The following NR2C1 variants were observed in gnomAD, a reference collection of about 807,000 sequenced individuals.
NR2C1 encodes nuclear receptor subfamily 2 group C member 1, also known as TR2 nuclear hormone receptor.
Under a neutral mutation model 74.8 loss-of-function variants are expected in NR2C1, and 33 were observed. That is an observed-to-expected ratio of 0.44 (90% CI 0.33 to 0.59). The LOEUF is 0.59. Among genes scored for constraint, NR2C1 ranks in the 20% least tolerant of loss-of-function variants. The pLI is 0.02. For synonymous variants in NR2C1, 225 were observed against 240.6 expected (o/e 0.94, Z 0.60); for missense variants, 568 against 715.6 (o/e 0.79, Z 2.35).
intron 11 of NR2C1, among the ~76,000 whole-genome samples, chr12:95,029,384 A>C (rs1353583955): frequency 6.6e-6 from 1 of 152,076 alleles, no homozygotes; most frequent in Admixed American, 6.6e-5. Flanking sequence ...ATTTCATCTT[A>C]ATTCTTTTGA....
At chr12:95,033,285 T>G (rs1870392617) in intron 10 of NR2C1, among the ~76,000 whole-genome samples, 1 of 152,102 alleles carries the variant, frequency 6.6e-6, no homozygotes, top group African/African-American at 2.4e-5. Context: ...TATACATATA[T>G]GATTATACAT....
intron 9 of NR2C1, among the ~76,000 whole-genome samples, chr12:95,044,958 T>C (rs768757150): frequency 1.3e-5 from 2 of 151,822 alleles, no homozygotes; most frequent in Non-Finnish European, 2.9e-5. Context: ...TCAGCACTTT[T>C]GGGAGGTCGA....
At chr12:95,028,671 T>TGGCAG (rs1869670643) in intron 11 of NR2C1, 147 bp from the exon 12 acceptor site, 1 of 617,296 alleles carries the variant, frequency 1.6e-6, no homozygotes. Context: ...GTCGCCCAGG[T>TGGCAG]GGCAGTGCAG....
intron 4 of NR2C1, 126 bp from the exon 5 acceptor site, chr12:95,058,615 A>C: frequency 4.1e-6 from 3 of 738,204 alleles, no homozygotes; most frequent in Non-Finnish European, 6.6e-6. Flanking sequence ...TGACATGAAA[A>C]ACATTTTTAG....
intron 10 of NR2C1, among the ~76,000 whole-genome samples, chr12:95,036,913 G>A (rs565322307): frequency 6.6e-6 from 1 of 152,062 alleles, no homozygotes; most frequent in African/African-American, 2.4e-5. Context: ...CCTCATATCT[G>A]GTAATACTGA....
At chr12:95,025,932 T>G (rs956791035) in intron 12 of NR2C1, among the ~76,000 whole-genome samples, 3 of 151,324 alleles carry the variant, frequency 2.0e-5, no homozygotes, top group African/African-American at 7.3e-5. Context: ...TAAGGCTGGG[T>G]GTGGTGGCTC....
chr12:95,067,266 A>C, intron 2 of NR2C1, 65 bp downstream of exon 2: 42 of 1,144,826 alleles, frequency 3.7e-5, no homozygotes, highest in Non-Finnish European at 5.2e-5. Flanking sequence ...AGAACCTGGT[A>C]TATGCATTTA....
At chr12:95,040,991 A>C (rs1423916386) in intron 9 of NR2C1, among the ~76,000 whole-genome samples, 1 of 152,238 alleles carries the variant, frequency 6.6e-6, no homozygotes, top group Non-Finnish European at 1.5e-5. Flanking sequence ...GGGGTTAACA[A>C]ATTCAAATGC....
intron 10 of NR2C1, among the ~76,000 whole-genome samples, chr12:95,036,472 A>G (rs1356449284): frequency 3.3e-5 from 5 of 151,842 alleles, no homozygotes; most frequent in African/African-American, 9.7e-5. Context: ...AAATAGGTAC[A>G]GGTATTTTTC....
intron 1 of NR2C1, among the ~76,000 whole-genome samples, chr12:95,069,004 A>G (rs1314764877): frequency 6.6e-6 from 1 of 152,096 alleles, no homozygotes; most frequent in Non-Finnish European, 1.5e-5. Context: ...TCTTAAAAGG[A>G]CACATAAGAA....
In NR2C1 at chr12:95,035,002, T is replaced by C. The variant is rs180924662; in HGVS notation, c.1254-3514A>G. On this transcript the variant is annotated intron_variant, in intron 10 of 13. Coordinates refer to ENST00000333003, the MANE Select transcript of NR2C1 (RefSeq NM_003297.4). ...ACACAATGCCACAAAATGCACATTG[T>C]AGCACTGGATATAATAACAAAGAAA... Among the ~76,000 whole-genome samples, 43 of 152,282 alleles carry C rather than the reference T, an allele frequency of 2.8e-4. No individual in the cohort carries two copies. The East Asian group carries it at 7.7e-3, about 27-fold the overall frequency.
At position 95,059,978 on chromosome 12, in the gene NR2C1, T is replaced by C. The variant is rs769767757; in HGVS notation, c.292A>G (p.Thr98Ala). Residue 98 changes from threonine (T) to alanine (A), a missense_variant, in exon 4 of 14, where the codon ACA becomes GCA. This residue lies in a region of NR2C1 where 128 missense variants were observed against 118.9 expected (regional missense o/e 1.08). Transcript: ENST00000333003. ...DLSAQHLQLL[T>A]DNSPDQGPNK... ...GGTCCTTGGTCTGGAGAATTATCTG[T>C]TAGGAGCTAAAAAAAAAAAAAAAAA... The C allele has an allele frequency of 2.5e-5, 38 of 1,532,482 alleles. 1 individual carries two copies. In the South Asian group the frequency reaches 4.8e-4, roughly 19 times the overall value. 94.9% of individuals were successfully genotyped at this position (1,532,482 alleles called of 1,614,324 possible).
intron 7 of NR2C1, among the ~76,000 whole-genome samples, chr12:95,055,111 TTTTC>T (rs1873651547): frequency 6.6e-6 from 1 of 152,128 alleles, no homozygotes; most frequent in African/African-American, 2.4e-5. Flanking sequence ...GCAGAAGAAT[TTTTC>T]TTTCTAACTA....
chr12:95,029,419 T>G (rs1285135402), intron 11 of NR2C1, among the ~76,000 whole-genome samples: 1 of 152,108 alleles, frequency 6.6e-6, no homozygotes, highest in Non-Finnish European at 1.5e-5. Context: ...TTTTAAAAAA[T>G]GAATTATTTT....
chr12:95,035,142 G>C (rs1409516511), intron 10 of NR2C1, among the ~76,000 whole-genome samples: 1 of 152,170 alleles, frequency 6.6e-6, no homozygotes. Flanking sequence ...AACATAGGAA[G>C]AAGTCTATGA....
intron 2 of NR2C1, among the ~76,000 whole-genome samples, chr12:95,064,348 AG>A (rs1385568437): frequency 7.1e-6 from 1 of 140,468 alleles, no homozygotes; most frequent in East Asian, 2.1e-4. Context: ...AAAAAAAAAA[AG>A]TTCAGAAGTA....
intron 10 of NR2C1, among the ~76,000 whole-genome samples, chr12:95,038,799 G>A (rs533948903): frequency 1.6e-4 from 25 of 152,240 alleles, no homozygotes; most frequent in South Asian, 1.5e-3. Flanking sequence ...CCACCCCTCA[G>A]TAGTGTGTAC....
At chr12:95,036,423 T>A (rs1448135411) in intron 10 of NR2C1, among the ~76,000 whole-genome samples, 1 of 134,446 alleles carries the variant, frequency 7.4e-6, no homozygotes, top group Non-Finnish European at 1.6e-5. Context: ...TAAAAAAGCA[T>A]TAACTTGTAA....
Position 95,068,040 on chromosome 12 carries a change from G to C in NR2C1, c.-7-649C>G, listed in dbSNP as rs757322570. ...GGACTAGGCACCTGCCACCACGCCA[G>C]CTAATTTTTTTGTATTTTTAGTAGA... On this transcript the variant is annotated intron_variant, in intron 1 of 13. Transcript: ENST00000333003. Among the ~76,000 whole-genome samples, 4 of 152,140 alleles carry C rather than the reference G, an allele frequency of 2.6e-5. 1 individual carries two copies. In the South Asian group the frequency reaches 8.3e-4, roughly 32 times the overall value.
Sources: allele counts gnomAD v4.1 joint callset (sites outside exome capture counted in the v4.1 genomes callset), GRCh38; gene constraint gnomAD v4.1.1; regional missense constraint gnomAD v4.1.1; transcripts MANE v1.5; gene names NCBI Gene and HGNC (gene_info 2026-07-23, HGNC 2026-07-21).